The following IPO9 variants were observed in gnomAD, a reference collection of about 807,000 sequenced individuals.
IPO9 encodes the protein importin 9.
In IPO9, 28 loss-of-function variants were observed where a neutral mutation model predicts 128.6. The observed-to-expected ratio is 0.22, with a 90% CI of 0.16 to 0.30. IPO9 has a LOEUF of 0.30. Among genes scored for constraint, IPO9 ranks in the 10% least tolerant of loss-of-function variants. The pLI is 1.00. For missense variants in IPO9, 935 were observed against 1,293.9 expected, an observed-to-expected ratio of 0.72 and a Z score of 4.26; for synonymous variants, 455 against 475.8, an observed-to-expected ratio of 0.96 and a Z score of 0.57.
chr1:201,858,677 T>C (rs1357723473), intron 12 of IPO9, 124 bp downstream of exon 12: 1 of 796,746 alleles, frequency 1.3e-6, no homozygotes, highest in East Asian at 2.8e-5. Flanking sequence ...CAGATTTTAA[T>C]CTCTTATTAT....
rs748228675 is a variant in IPO9, at chr1:201,876,128, A to G, written c.*74A>G. 7 of 991,308 alleles carry G rather than the reference A, an allele frequency of 7.1e-6. No homozygotes were observed. Among genetic ancestry groups the G allele is most frequent in the African/African-American group, 6.4e-5 (4 of 62,876 alleles). The allele number at this position is 991,308 out of a possible 1,614,324, so 61.4% of individuals were successfully genotyped here. ...TTTTGCAGCCCTCACTGGCCTTGAGATGCACTTTCTTCTCAACCTAAAGTG... is the reference window on the plus strand; with the variant it reads ...TTTTGCAGCCCTCACTGGCCTTGAGGTGCACTTTCTTCTCAACCTAAAGTG... On this transcript the variant is annotated 3_prime_UTR_variant, in exon 24 of 24. Coordinates refer to ENST00000361565, the MANE Select transcript of IPO9 (RefSeq NM_018085.5).
intron 17 of IPO9, 64 bp downstream of exon 17, chr1:201,869,782 T>C (rs1175662722): frequency 2.6e-6 from 4 of 1,523,056 alleles, no homozygotes; most frequent in Non-Finnish European, 3.5e-6. Flanking sequence ...TATACTATGC[T>C]GAGAAATCTG....
rs756948368 is a variant in IPO9 at position 201,874,354 on chromosome 1, C to G, written c.2815C>G (p.Pro939Ala). The change falls in exon 21 of 24, where the codon CCT (proline) becomes GCT (alanine). Residue 939 changes from proline (P) to alanine (A), a missense_variant. Pro to Ala is a conservative substitution (Grantham distance 27). Transcript: ENST00000361565. ...GGCTAATGCCGCTCGCCAGGCCACT[C>G]CTGCAGAGTGGAGTCAAGGTGCACC... Reference protein sequence around the residue: ...MEANAARQATPAEWSQDDSND... With the variant: ...MEANAARQATAAEWSQDDSND... The G allele has an allele frequency of 6.2e-7, 1 of 1,613,898 alleles. No individual in the cohort carries two copies. Among genetic ancestry groups the G allele is most frequent in the East Asian group, 2.2e-5 (1 of 44,888 alleles).
chr1:201,832,486 T>C (rs1218331408), intron 1 of IPO9, among the ~76,000 whole-genome samples: 1 of 152,230 alleles, frequency 6.6e-6, no homozygotes, highest in Admixed American at 6.5e-5. Context: ...CTTGAACTCC[T>C]GAGCTCAAGC....
rs1243161720 is a variant in IPO9, at chr1:201,881,315, A to G, written c.*5261A>G. 1 of 152,218 alleles carries G rather than the reference A, an allele frequency of 6.6e-6. No homozygotes were observed. The highest frequency in any genetic ancestry group is 1.5e-5 in the Non-Finnish European group (1 of 68,034). The allele number at this position is 152,218 out of a possible 1,614,324, so 9.4% of individuals were successfully genotyped here. ...GTCCACTTTGCTCACCCAGTTTTAC[A>G]GATTGATGAAACTGAAGCAGACAGA... On this transcript the variant is annotated 3_prime_UTR_variant, in exon 24 of 24. Transcript: ENST00000361565.
At chr1:201,843,915 A>T (rs1374604774) in intron 1 of IPO9, among the ~76,000 whole-genome samples, 1 of 151,994 alleles carries the variant, frequency 6.6e-6, no homozygotes, top group Non-Finnish European at 1.5e-5. Context: ...GGAATCATGG[A>T]TGAAAACCAA....
chr1:201,869,058 C>G (rs1440148759), intron 16 of IPO9, among the ~76,000 whole-genome samples: 2 of 152,108 alleles, frequency 1.3e-5, no homozygotes, highest in African/African-American at 4.8e-5. Context: ...CGAGACCAGC[C>G]TGGCCAATGT....
At chr1:201,856,365 A>G (rs1196277054) in intron 10 of IPO9, among the ~76,000 whole-genome samples, 1 of 152,194 alleles carries the variant, frequency 6.6e-6, no homozygotes, top group East Asian at 1.9e-4. Context: ...TGTAATAATC[A>G]GACCATTAGC....
rs2644124 is a variant in IPO9 at position 201,871,336 on chromosome 1, T to C, written c.2576+9T>C. The C allele has an allele frequency of 1, 1,550,566 of 1,552,280 alleles. 774,443 individuals are homozygous for C. Among genetic ancestry groups the C allele is most frequent in the East Asian group, 1 (43,029 of 43,030 alleles). On this transcript the variant is annotated intron_variant, in intron 19 of 23. Transcript: ENST00000361565. ...TATGAAGGCAAAGTCAGGTAGAACC[T>C]CATCTTTCTTTTCTGGGCATTCTGC...
intron 4 of IPO9, among the ~76,000 whole-genome samples, chr1:201,849,195 T>C (rs1571544170): frequency 6.6e-6 from 1 of 152,354 alleles, no homozygotes; most frequent in African/African-American, 2.4e-5. Context: ...CAGTATCTTT[T>C]CCTTCTCTCT....
chr1:201,867,475 G>T (rs574816994), intron 15 of IPO9, among the ~76,000 whole-genome samples: 91 of 151,992 alleles, frequency 6.0e-4, no homozygotes, highest in Non-Finnish European at 1.8e-4. Flanking sequence ...AGCTTAAAAG[G>T]AATATCTGAA....
intron 1 of IPO9, among the ~76,000 whole-genome samples, chr1:201,844,203 A>G (rs986951711): frequency 3.3e-5 from 5 of 152,190 alleles, no homozygotes; most frequent in Non-Finnish European, 7.3e-5. Flanking sequence ...CCATGTGATC[A>G]AGGTTACCAT....
intron 13 of IPO9, 122 bp downstream of exon 13, chr1:201,859,116 A>G (rs1680388486): frequency 1.2e-5 from 9 of 774,462 alleles, no homozygotes; most frequent in Middle Eastern, 2.5e-4. Context: ...CAGCACACCA[A>G]CATGGCACAT....
At chr1:201,847,503 T>G in intron 2 of IPO9, 49 bp from the exon 3 acceptor site, 1 of 1,514,246 alleles carries the variant, frequency 6.6e-7, no homozygotes, top group Non-Finnish European at 9.1e-7. Flanking sequence ...TTTTTATGTG[T>G]GAAAAAAATC....
chr1:201,857,455 A>C, intron 11 of IPO9, among the ~76,000 whole-genome samples: 1 of 152,318 alleles, frequency 6.6e-6, no homozygotes, highest in Middle Eastern at 3.4e-3. Context: ...GGAGAATTGT[A>C]TAGAGGATAA....
Position 201,830,393 on chromosome 1 carries a change from G to T in IPO9, c.163+1021G>T, listed in dbSNP as rs1372884296. ...CTACTGGACGTATTTCTATTGAAAA[G>T]AATTTAGAACAAATCTCTCTTAAAT... is the stretch of plus-strand genomic sequence containing the variant. On this transcript the variant is annotated intron_variant, in intron 1 of 23. Transcript: ENST00000361565. Among the ~76,000 whole-genome samples the T allele has an allele frequency of 3.3e-5, 5 of 152,276 alleles. No homozygotes were observed. The South Asian group carries it at 8.3e-4, about 25-fold the overall frequency.
Position 201,876,775 on chromosome 1 carries a change from A to C in IPO9, c.*721A>C, listed in dbSNP as rs1571559650. The C allele has an allele frequency of 6.6e-6, 1 of 150,964 alleles. No individual in the cohort carries two copies. Among genetic ancestry groups the C allele is most frequent in the Middle Eastern group, 3.5e-3 (1 of 286 alleles). The allele number at this position is 150,964 out of a possible 1,614,324, so 9.4% of individuals were successfully genotyped here. A position where few individuals can be genotyped will look rare whatever the true frequency, so the allele number is the denominator to read the frequency against. On this transcript the variant is annotated 3_prime_UTR_variant, in exon 24 of 24. Coordinates refer to ENST00000361565, the MANE Select transcript of IPO9 (RefSeq NM_018085.5). ...TTTAGAAAAAAAAAAAAAAATGGGG[A>C]AAAGGGATTTTTTTTAAATCCACCT...
chr1:201,856,259 CTG>C lies in IPO9; in HGVS notation c.1122+328_1122+329del, dbSNP rs1680327949. On this transcript the variant is annotated intron_variant, in intron 10 of 23. Coordinates refer to ENST00000361565, the MANE Select transcript of IPO9 (RefSeq NM_018085.5). ...GTGCTGGGATTACAGGCATGAGTGA[CTG>C]TGCCTGGCCCACTTTTGCCATTAGA... Among the ~76,000 whole-genome samples the C allele has an allele frequency of 1.2e-4, 18 of 151,628 alleles. No individual in the cohort carries two copies. The South Asian group carries it at 3.8e-3, about 32-fold the overall frequency.
chr1:201,831,134 C>G (rs1194922154), intron 1 of IPO9, among the ~76,000 whole-genome samples: 1 of 152,106 alleles, frequency 6.6e-6, no homozygotes, highest in African/African-American at 2.4e-5. Flanking sequence ...TCCCAAAGTG[C>G]TGGGATTACA....
Sources: gnomAD v4.1 joint callset for allele counts (sites outside exome capture counted in the v4.1 genomes callset) on GRCh38, gnomAD v4.1.1 for gene constraint, MANE v1.5 for transcripts, NCBI Gene and HGNC (gene_info 2026-07-23, HGNC 2026-07-21) for gene names.